Variants in AZIN2 observed in about 807,000 individuals in gnomAD.
AZIN2 encodes antizyme inhibitor 2.
Under a neutral mutation model 47.8 loss-of-function variants are expected in AZIN2, and 28 were observed. The ratio of observed to expected loss-of-function variants is 0.59; its 90% confidence interval spans 0.43 to 0.80. The LOEUF (loss-of-function observed/expected upper bound fraction) is 0.80, where lower values mean the gene tolerates loss of function less well. Ranked by LOEUF, AZIN2 falls within the 30% of genes least tolerant of loss-of-function variation. The pLI, the probability that AZIN2 is intolerant of heterozygous loss-of-function variation, is 0.00. For synonymous variants in AZIN2, 221 were observed against 239.4 expected (o/e 0.92, Z 0.71); for missense variants, 535 against 582.5 (o/e 0.92, Z 0.84).
chr1:33,121,834 T>C lies in AZIN2; in HGVS notation c.*1652T>C, dbSNP rs1448900191. Among the ~76,000 whole-genome samples, 1 of 152,222 alleles carries C rather than the reference T, an allele frequency of 6.6e-6. No individual in the cohort carries two copies. The highest frequency in any genetic ancestry group is 6.5e-5 in the Admixed American group (1 of 15,270). ...AGCCTGACCATCCTGCTTCAGTATC[T>C]CAGCCAGTCCTGGTGGGAACTGTAC... On this transcript the variant is annotated 3_prime_UTR_variant, in exon 12 of 12. Coordinates refer to ENST00000294517, the MANE Select transcript of AZIN2 (RefSeq NM_052998.4).
chr1:33,097,920 T>G, intron 9 of AZIN2, 147 bp from the exon 10 acceptor site: 1 of 627,962 alleles, frequency 1.6e-6, no homozygotes, highest in Non-Finnish European at 2.9e-6. Context: ...GAAGGATGGC[T>G]GCTGATGGCT....
In AZIN2 at chr1:33,081,178, T is replaced by G. The variant is rs1362425239; in HGVS notation, c.-522T>G. On this transcript the variant is annotated 5_prime_UTR_variant, in exon 1 of 12. Coordinates refer to ENST00000294517, the MANE Select transcript of AZIN2 (RefSeq NM_052998.4). The surrounding 1 kb of genome is among the most constrained non-coding windows in gnomAD (Gnocchi z 4.2). The stretch of plus-strand genomic sequence containing the variant: ...GCGTGGGGGTCTGTGGCTGCTGGGC[T>G]GGCGGGGCGCAGGCCGCGGGACCCG... 1 of 154,240 alleles carries G rather than the reference T, an allele frequency of 6.5e-6. No homozygotes were observed. The highest frequency in any genetic ancestry group is 1.9e-4 in the East Asian group (1 of 5,236). 9.6% of individuals were successfully genotyped at this position (154,240 alleles called of 1,614,324 possible). A position where few individuals can be genotyped will look rare whatever the true frequency, so the allele number is the denominator to read the frequency against.
chr1:33,093,520 C>T, intron 7 of AZIN2, 104 bp downstream of exon 7: 1 of 1,391,630 alleles, frequency 7.2e-7, no homozygotes. Context: ...CTGAGTAGGG[C>T]CTGTCCCTGG....
the AZIN2 span, among the ~76,000 whole-genome samples, chr1:33,132,171 G>A: frequency 5.3e-5 from 8 of 152,154 alleles, no homozygotes; most frequent in East Asian, 9.6e-4. Flanking sequence ...TGGGAAGAAC[G>A]CACTGTGAGC....
At chr1:33,086,902 T>A (rs1641965339) in intron 5 of AZIN2, among the ~76,000 whole-genome samples, 2 of 152,188 alleles carry the variant, frequency 1.3e-5, no homozygotes, top group Non-Finnish European at 2.9e-5. Context: ...CAGTACTCCT[T>A]CCTTAAGCCA....
intron 10 of AZIN2, among the ~76,000 whole-genome samples, chr1:33,114,537 T>C (rs1030042981): frequency 6.6e-5 from 10 of 151,638 alleles, no homozygotes; most frequent in Non-Finnish European, 1.3e-4. Context: ...GTATTTTTAG[T>C]AGAGACGGGG....
chr1:33,109,604 C>T (rs1204883282), intron 10 of AZIN2, among the ~76,000 whole-genome samples: 1 of 152,132 alleles, frequency 6.6e-6, no homozygotes, highest in African/African-American at 2.4e-5. Flanking sequence ...GCTGGGATTA[C>T]AGGTGTGAGT....
chr1:33,096,641 A>G, intron 8 of AZIN2, 66 bp from the exon 9 acceptor site: 1 of 1,568,260 alleles, frequency 6.4e-7, no homozygotes, highest in Non-Finnish European at 8.8e-7. Flanking sequence ...TTGGAGCTGT[A>G]GCAAGTCTTC....
At chr1:33,138,365 G>A in the AZIN2 span, among the ~76,000 whole-genome samples, 10 of 152,216 alleles carry the variant, frequency 6.6e-5, no homozygotes, top group East Asian at 1.7e-3. Flanking sequence ...ATAGACTCAC[G>A]TAGAAAAAAG....
At chr1:33,149,023 ACCT>A in the AZIN2 span, among the ~76,000 whole-genome samples, 2 of 151,926 alleles carry the variant, frequency 1.3e-5, no homozygotes, top group Non-Finnish European at 2.9e-5. Context: ...GGTTCCCTCC[ACCT>A]CCTCCTCTCT....
rs1487635879 is a variant in AZIN2, at chr1:33,093,262, G to C, written c.453-20G>C. The C allele has an allele frequency of 6.2e-7, 1 of 1,613,134 alleles. No homozygotes were observed. The highest frequency in any genetic ancestry group is 2.2e-5 in the East Asian group (1 of 44,806). On this transcript the variant is annotated intron_variant, in intron 6 of 11. Coordinates refer to ENST00000294517, the MANE Select transcript of AZIN2 (RefSeq NM_052998.4). ...GGCGACAGGGTTTGTCCAGCAGAGG[G>C]GCACTGCGTGTCTCATCAGGATGGT... is the stretch of plus-strand genomic sequence containing the variant.
intron 5 of AZIN2, 129 bp downstream of exon 5, chr1:33,084,256 C>T (rs1641621780): frequency 2.8e-6 from 3 of 1,075,314 alleles, no homozygotes; most frequent in African/African-American, 3.1e-5. Flanking sequence ...GGAAGACCAC[C>T]CACTCAGGAG....
chr1:33,115,471 G>A (rs1324653565), intron 10 of AZIN2, among the ~76,000 whole-genome samples: 1 of 151,952 alleles, frequency 6.6e-6, no homozygotes, highest in African/African-American at 2.4e-5. Context: ...TTGGAAGGCC[G>A]AGGTGGCGGA....
At chr1:33,165,416 C>T in the AZIN2 span, 1 of 1,485,788 alleles carries the variant, frequency 6.7e-7, no homozygotes, top group African/African-American at 1.4e-5. This position sits in a 1 kb window ranked among gnomAD's most constrained non-coding sequence, Gnocchi z 4.0. Flanking sequence ...CCCCGCCCCT[C>T]GAAGCCCTGC....
At chr1:33,114,690 CTT>C (rs937433577) in intron 10 of AZIN2, among the ~76,000 whole-genome samples, 1 of 88,304 alleles carries the variant, frequency 1.1e-5, no homozygotes, top group African/African-American at 4.7e-5. Flanking sequence ...GAGTTTTGCT[CTT>C]GTCACCCAGG....
At position 33,113,707 on chromosome 1, in the gene AZIN2, T is replaced by G. The variant is rs912995447; in HGVS notation, c.1030-4195T>G. On this transcript the variant is annotated intron_variant, in intron 10 of 11. Coordinates refer to ENST00000294517, the MANE Select transcript of AZIN2 (RefSeq NM_052998.4). The surrounding 1 kb of genome is among the most constrained non-coding windows in gnomAD (Gnocchi z 4.1). ...GCTACTTAATCTCTCTGAGCCTTGT[T>G]TCTCTAGTTTCTCCATTTGGAAAAT... is the stretch of plus-strand genomic sequence containing the variant. Among the ~76,000 whole-genome samples the G allele has an allele frequency of 2.0e-5, 3 of 152,224 alleles. No individual in the cohort carries two copies. Among genetic ancestry groups the G allele is most frequent in the Non-Finnish European group, 4.4e-5 (3 of 68,040 alleles).
At position 33,121,783 on chromosome 1, in the gene AZIN2, T is replaced by C. The variant is rs1469355160; in HGVS notation, c.*1601T>C. Among the ~76,000 whole-genome samples the C allele has an allele frequency of 1.3e-5, 2 of 152,242 alleles. No homozygotes were observed. The highest frequency in any genetic ancestry group is 3.9e-4 in the East Asian group (2 of 5,192). ...ACATTGTATTGTGATGGATTTTCTA[T>C]CTTCACTTGAGCTTCTCTCTAGGTA... is the stretch of plus-strand genomic sequence containing the variant. On this transcript the variant is annotated 3_prime_UTR_variant, in exon 12 of 12. Coordinates refer to ENST00000294517, the MANE Select transcript of AZIN2 (RefSeq NM_052998.4).
chr1:33,088,054 T>A (rs1642127880), intron 5 of AZIN2, among the ~76,000 whole-genome samples: 1 of 152,192 alleles, frequency 6.6e-6, no homozygotes, highest in Non-Finnish European at 1.5e-5. Flanking sequence ...TCTTCTGAAT[T>A]CCTAGGCCTC....
chr1:33,089,436 T>TA (rs1205744626), intron 5 of AZIN2, among the ~76,000 whole-genome samples: 2 of 151,972 alleles, frequency 1.3e-5, no homozygotes, highest in Non-Finnish European at 2.9e-5. Flanking sequence ...TGTCTCTAAT[T>TA]AAAAAATATA....
Sources: gnomAD v4.1 joint callset for allele counts (sites outside exome capture counted in the v4.1 genomes callset) on GRCh38, gnomAD v4.1.1 for gene constraint, Gnocchi (gnomAD v3.1) non-coding constraint, MANE v1.5 for transcripts, NCBI Gene and HGNC (gene_info 2026-07-23, HGNC 2026-07-21) for gene names.